Variants in EPHB1 observed in about 807,000 individuals in gnomAD.
The protein encoded by EPHB1 is EPH receptor B1.
In EPHB1, 30 loss-of-function variants were observed where a neutral mutation model predicts 94.4. The ratio of observed to expected loss-of-function variants is 0.32; its 90% CI spans 0.24 to 0.43. The LOEUF (loss-of-function observed/expected upper bound fraction) is 0.43. EPHB1 is among the 20% of genes least tolerant of loss of function. The pLI is 1.00. For missense variants in EPHB1, 1,055 were observed against 1,308.3 expected, an observed-to-expected ratio of 0.81 and a Z score of 2.99; for synonymous variants, 522 against 489.1, an observed-to-expected ratio of 1.07 and a Z score of -0.89.
rs1164993873 is a variant in EPHB1, at chr3:135,132,864, C to T, written c.1112C>T (p.Ser371Phe). The T allele has an allele frequency of 3.7e-6, 6 of 1,613,938 alleles. No individual in the cohort carries two copies. The highest frequency in any genetic ancestry group is 5.1e-6 in the Non-Finnish European group (6 of 1,179,914). The change falls in exon 5 of 16, where the codon TCC (serine) becomes TTC (phenylalanine). Residue 371 changes from serine (S) to phenylalanine (F), a missense_variant. Coordinates refer to ENST00000398015, the MANE Select transcript of EPHB1 (RefSeq NM_004441.5). ...KKCRADRRSC[S>F]RCDDNVEFVP... ...TGCCGGGCAGACCGCCGGAGCTGCT[C>T]CCGCTGTGACGACAATGTGGAGTTT...
At chr3:134,887,338 G>A (rs998937843) in intron 1 of EPHB1, among the ~76,000 whole-genome samples, 5 of 152,214 alleles carry the variant, frequency 3.3e-5, no homozygotes, top group Non-Finnish European at 7.3e-5. Context: ...GGTCTCGTAA[G>A]CTCCCAAATT....
chr3:135,182,873 C>CT (rs1942194337), intron 10 of EPHB1, among the ~76,000 whole-genome samples: 1 of 152,118 alleles, frequency 6.6e-6, no homozygotes, highest in Admixed American at 6.5e-5. Context: ...ATGTTGGTAG[C>CT]TTGACATCAG....
At chr3:135,097,933 C>A (rs1338453588) in intron 3 of EPHB1, among the ~76,000 whole-genome samples, 1 of 152,190 alleles carries the variant, frequency 6.6e-6, no homozygotes, top group Non-Finnish European at 1.5e-5. Flanking sequence ...GGTCTTGGTG[C>A]AATCTTTTCC....
rs1040496598 is a variant in EPHB1 at position 135,187,636 on chromosome 3, C to T, written c.1883-4940C>T. ...AATAATAGCAATACGCCCATCGACTCCTGCCTCTCTATAAGGCTGTAGGTT... is the reference window on the plus strand; with the variant it reads ...AATAATAGCAATACGCCCATCGACTTCTGCCTCTCTATAAGGCTGTAGGTT... On this transcript the variant is annotated intron_variant, in intron 10 of 15. Transcript: ENST00000398015. Among the ~76,000 whole-genome samples, 10 of 152,162 alleles carry T rather than the reference C, an allele frequency of 6.6e-5. 1 individual carries two copies. Among genetic ancestry groups the T allele is most frequent in the African/African-American group, 2.4e-4 (10 of 41,420 alleles).
At chr3:134,909,109 T>TGGGCGGGGG (rs574576286) in intron 1 of EPHB1, among the ~76,000 whole-genome samples, 2 of 82,570 alleles carry the variant, frequency 2.4e-5, no homozygotes, top group African/African-American at 1.0e-4. Context: ...ACACACAAGG[T>TGGGCGGGGG]GGGGGCGGGG....
At chr3:135,120,214 T>C (rs1939894015) in intron 4 of EPHB1, among the ~76,000 whole-genome samples, 1 of 152,246 alleles carries the variant, frequency 6.6e-6, no homozygotes, top group Non-Finnish European at 1.5e-5. Context: ...GATGATTCTC[T>C]TCTTTATGAT....
At chr3:134,911,573 G>C (rs1177175414) in intron 1 of EPHB1, among the ~76,000 whole-genome samples, 3 of 152,168 alleles carry the variant, frequency 2.0e-5, no homozygotes, top group Non-Finnish European at 2.9e-5. Flanking sequence ...GGGTGGCTGA[G>C]GTCTTGAACT....
intron 5 of EPHB1, among the ~76,000 whole-genome samples, chr3:135,144,132 T>C (rs139591111): frequency 2.4e-4 from 36 of 152,068 alleles, no homozygotes; most frequent in African/African-American, 7.5e-4. Flanking sequence ...AGTGCATGAG[T>C]TGTGGGGAGG....
At chr3:134,954,768 C>A (rs1933181371) in intron 3 of EPHB1, among the ~76,000 whole-genome samples, 1 of 152,196 alleles carries the variant, frequency 6.6e-6, no homozygotes, top group South Asian at 2.1e-4. Flanking sequence ...TTCATTATGG[C>A]CAGGGAACTG....
At chr3:134,862,530 CAATT>C (rs1168969729) in intron 1 of EPHB1, among the ~76,000 whole-genome samples, 12 of 150,448 alleles carry the variant, frequency 8.0e-5, no homozygotes, top group African/African-American at 2.7e-4. Flanking sequence ...GAAAAATACT[CAATT>C]AGAGTAAAAC....
chr3:135,157,269 C>T (rs1292562881), intron 6 of EPHB1, among the ~76,000 whole-genome samples: 1 of 152,172 alleles, frequency 6.6e-6, no homozygotes, highest in African/African-American at 2.4e-5. Context: ...TCAGAGCAGT[C>T]ACTTCAGTGG....
chr3:134,972,425 A>C (rs1934008240), intron 3 of EPHB1, among the ~76,000 whole-genome samples: 1 of 145,822 alleles, frequency 6.9e-6, no homozygotes, highest in Non-Finnish European at 1.5e-5. Context: ...TATAACATAT[A>C]AAAGAGGTAA....
At chr3:135,024,889 T>G (rs1936095243) in intron 3 of EPHB1, among the ~76,000 whole-genome samples, 1 of 152,088 alleles carries the variant, frequency 6.6e-6, no homozygotes, top group African/African-American at 2.4e-5. Context: ...TTTGGATCTC[T>G]TGCCCCTTTC....
chr3:135,041,669 G>A (rs1459444462), intron 3 of EPHB1, among the ~76,000 whole-genome samples: 1 of 152,190 alleles, frequency 6.6e-6, no homozygotes, highest in African/African-American at 2.4e-5. Flanking sequence ...AACAATGAAT[G>A]CTTTTTTAGT....
At chr3:134,822,075 A>T (rs1238103778) in intron 1 of EPHB1, among the ~76,000 whole-genome samples, 4 of 152,224 alleles carry the variant, frequency 2.6e-5, no homozygotes, top group Non-Finnish European at 5.9e-5. Context: ...TATAGGAGGT[A>T]GGAGATATCT....
At chr3:135,009,707 A>G (rs36062) in intron 3 of EPHB1, among the ~76,000 whole-genome samples, 31,386 of 152,240 alleles carry the variant, frequency 0.21, 5,690 homozygotes, top group African/African-American at 0.49. Context: ...AGCAGGTCAC[A>G]TTTTAGGCAG....
intron 10 of EPHB1, among the ~76,000 whole-genome samples, chr3:135,189,108 A>G (rs964364691): frequency 2.0e-5 from 3 of 152,234 alleles, no homozygotes; most frequent in Non-Finnish European, 4.4e-5. Flanking sequence ...ACGTTTCCCA[A>G]TTAGGAAAGT....
chr3:134,866,426 A>G (rs2037380037), intron 1 of EPHB1, among the ~76,000 whole-genome samples: 1 of 152,220 alleles, frequency 6.6e-6, no homozygotes, highest in Non-Finnish European at 1.5e-5. Context: ...AGCTGCCCAA[A>G]GGCCATGCCC....
At chr3:135,134,143 A>G (rs988778152) in intron 5 of EPHB1, among the ~76,000 whole-genome samples, 1 of 152,224 alleles carries the variant, frequency 6.6e-6, no homozygotes, top group South Asian at 2.1e-4. Context: ...TGCACAGGCA[A>G]TGGGGGTCAT....
Sources: gnomAD v4.1 joint callset for allele counts (sites outside exome capture counted in the v4.1 genomes callset) on GRCh38, gnomAD v4.1.1 for gene constraint, MANE v1.5 for transcripts, NCBI Gene and HGNC (gene_info 2026-07-23, HGNC 2026-07-21) for gene names.